UBE2E2: variants seen among roughly 807,000 people sequenced by gnomAD.
UBE2E2 encodes ubiquitin conjugating enzyme E2 E2.
UBE2E2 carries 6 observed loss-of-function variants against 24.7 expected under a neutral mutation model. That is an observed-to-expected ratio of 0.24 (90% confidence interval 0.13 to 0.48). UBE2E2 has a LOEUF of 0.48. UBE2E2 is among the 20% of genes least tolerant of loss of function. UBE2E2 has a pLI of 0.99. For missense variants in UBE2E2, 169 were observed against 245.0 expected (o/e 0.69, Z 2.07); for synonymous variants, 104 against 83.6 (o/e 1.24, Z -1.33).
Position 23,332,675 on chromosome 3 carries a change from GTGTGTGTGTGT to G in UBE2E2, c.227+115364_227+115374del, listed in dbSNP as rs1235329617. ...TTTGAGCTTCCTGGCAGCCAGTGGG[GTGTGTGTGTGT>G]GTGTGTGTGTGTGTGTGTGTGTGTG... On this transcript the variant is annotated intron_variant, in intron 3 of 5. Transcript: ENST00000396703. 5.2e-3 allele frequency among the ~76,000 whole-genome samples: 555 copies of G among 106,412 alleles called. 5 individuals carry two copies. Among genetic ancestry groups the G allele is most frequent in the Non-Finnish European group, 7.0e-3 (345 of 49,018 alleles). 69.8% of individuals were successfully genotyped at this position (106,412 alleles called of 152,430 possible).
At chr3:23,522,055 A>G (rs1190115709) in intron 4 of UBE2E2, among the ~76,000 whole-genome samples, 1 of 151,484 alleles carries the variant, frequency 6.6e-6, no homozygotes, top group Non-Finnish European at 1.5e-5. Flanking sequence ...TTAAATCCGT[A>G]TGTGATTATG....
rs564973680 is a variant in UBE2E2, at chr3:23,503,275, C to T, written c.360+3535C>T. ...CACAATCTCGGCTTACTGCAACCTC[C>T]GCCCCCTGGATTCAAGCAGTTTTCC... On this transcript the variant is annotated intron_variant, in intron 4 of 5. Transcript: ENST00000396703. 3.3e-5 allele frequency among the ~76,000 whole-genome samples: 5 copies of T among 151,900 alleles called. No individual in the cohort carries two copies. The South Asian group carries it at 6.2e-4, about 19-fold the overall frequency.
At chr3:23,350,169 G>C (rs1439244813) in intron 3 of UBE2E2, among the ~76,000 whole-genome samples, 3 of 152,226 alleles carry the variant, frequency 2.0e-5, no homozygotes, top group South Asian at 2.1e-4. Context: ...ACCTGCAGCT[G>C]AGGGTCCTGT....
chr3:23,448,566 T>G (rs924534042), intron 3 of UBE2E2, among the ~76,000 whole-genome samples: 27 of 152,186 alleles, frequency 1.8e-4, no homozygotes, highest in African/African-American at 6.3e-4. Context: ...TATTTCAACT[T>G]TTACAGTAAC....
At chr3:23,579,469 C>T (rs2125517783) in intron 5 of UBE2E2, among the ~76,000 whole-genome samples, 1 of 150,398 alleles carries the variant, frequency 6.6e-6, no homozygotes, top group Non-Finnish European at 1.5e-5. Context: ...GTGGGAGGAT[C>T]ACTTGAGGCC....
At chr3:23,492,192 C>T (rs776758616) in intron 3 of UBE2E2, among the ~76,000 whole-genome samples, 1 of 152,072 alleles carries the variant, frequency 6.6e-6, no homozygotes, top group Non-Finnish European at 1.5e-5. Context: ...GTGTTGTATG[C>T]CAGAAGCTCA....
intron 3 of UBE2E2, among the ~76,000 whole-genome samples, chr3:23,437,295 A>G (rs1194260187): frequency 6.6e-6 from 1 of 152,150 alleles, no homozygotes; most frequent in South Asian, 2.1e-4. Flanking sequence ...TTCCTTGACC[A>G]TGCCACCTAA....
chr3:23,301,766 G>T (rs1699100672), intron 3 of UBE2E2, among the ~76,000 whole-genome samples: 1 of 150,144 alleles, frequency 6.7e-6, no homozygotes, highest in African/African-American at 2.5e-5. Context: ...CCTGTTCTCA[G>T]ATCTCCAGCT....
chr3:23,505,203 G>T (rs1207606003), intron 4 of UBE2E2, among the ~76,000 whole-genome samples: 1 of 151,494 alleles, frequency 6.6e-6, no homozygotes, highest in Non-Finnish European at 1.5e-5. Context: ...TTACAGGCAT[G>T]AGCCACCGCC....
intron 4 of UBE2E2, among the ~76,000 whole-genome samples, chr3:23,502,837 T>C (rs1699753384): frequency 6.6e-6 from 1 of 152,236 alleles, no homozygotes; most frequent in Non-Finnish European, 1.5e-5. Flanking sequence ...ACTTAACCTA[T>C]AGCACAATTT....
intron 4 of UBE2E2, among the ~76,000 whole-genome samples, chr3:23,513,728 A>C (rs915405681): frequency 1.3e-5 from 2 of 152,172 alleles, no homozygotes; most frequent in Non-Finnish European, 2.9e-5. Context: ...GTGACATCAA[A>C]TATTTGACCT....
intron 4 of UBE2E2, among the ~76,000 whole-genome samples, chr3:23,508,574 T>C (rs906367054): frequency 6.6e-6 from 1 of 152,240 alleles, no homozygotes; most frequent in Non-Finnish European, 1.5e-5. Flanking sequence ...CTCAACCAAC[T>C]GTACGTTTGC....
chr3:23,328,701 C>T (rs980390243), intron 3 of UBE2E2, among the ~76,000 whole-genome samples: 4 of 147,644 alleles, frequency 2.7e-5, no homozygotes, highest in Non-Finnish European at 5.9e-5. Flanking sequence ...CTCGCTCTGT[C>T]GCCCACGCTA....
intron 3 of UBE2E2, among the ~76,000 whole-genome samples, chr3:23,464,684 C>T (rs1263626845): frequency 6.6e-6 from 1 of 152,100 alleles, no homozygotes; most frequent in Non-Finnish European, 1.5e-5. Context: ...TATGAGGGCA[C>T]AGTTGGTGTA....
rs1373752083 is a variant in UBE2E2 at position 23,355,503 on chromosome 3, T to C, written c.227+138191T>C. Among the ~76,000 whole-genome samples, 3 of 152,214 alleles carry C rather than the reference T, an allele frequency of 2.0e-5. No individual in the cohort carries two copies. The East Asian group carries it at 5.8e-4, about 29-fold the overall frequency. On this transcript the variant is annotated intron_variant, in intron 3 of 5. Coordinates refer to ENST00000396703, the MANE Select transcript of UBE2E2 (RefSeq NM_152653.4). ...GATTAAACAGCCAAAGCAAAGTGTTTTAAATCAGAAGATACTGAGATGCCT... is the reference window on the plus strand; with the variant it reads ...GATTAAACAGCCAAAGCAAAGTGTTCTAAATCAGAAGATACTGAGATGCCT...
chr3:23,417,182 G>A (rs955160842), intron 3 of UBE2E2, among the ~76,000 whole-genome samples: 9 of 152,118 alleles, frequency 5.9e-5, no homozygotes, highest in Non-Finnish European at 8.8e-5. Context: ...CCTCATCTTC[G>A]TGGATTTACC....
intron 5 of UBE2E2, among the ~76,000 whole-genome samples, chr3:23,536,246 A>T (rs1426516135): frequency 2.0e-5 from 3 of 152,314 alleles, no homozygotes; most frequent in East Asian, 3.9e-4. Context: ...AGACCTATTT[A>T]AAAAATGGGT....
chr3:23,242,201 G>A (rs1697278241), intron 3 of UBE2E2, among the ~76,000 whole-genome samples: 1 of 151,916 alleles, frequency 6.6e-6, no homozygotes, highest in Admixed American at 6.6e-5. Flanking sequence ...CAAAGCACTG[G>A]GATTATAGGC....
intron 3 of UBE2E2, among the ~76,000 whole-genome samples, chr3:23,355,382 G>C (rs1056291593): frequency 6.6e-6 from 1 of 151,894 alleles, no homozygotes; most frequent in African/African-American, 2.4e-5. Flanking sequence ...TAATAATAAT[G>C]AAAGACAAAA....
Sources: gnomAD v4.1 joint callset for allele counts (sites outside exome capture counted in the v4.1 genomes callset) on GRCh38, gnomAD v4.1.1 for gene constraint, MANE v1.5 for transcripts, NCBI Gene and HGNC (gene_info 2026-07-23, HGNC 2026-07-21) for gene names.